The following CHD3 variants were observed in gnomAD, a reference collection of about 807,000 sequenced individuals.
CHD3 encodes the protein chromodomain helicase DNA binding protein 3.
In CHD3, 52 loss-of-function variants were observed where a neutral mutation model predicts 248.9. The ratio of observed to expected loss-of-function variants is 0.21; its 90% CI spans 0.17 to 0.26. The LOEUF (loss-of-function observed/expected upper bound fraction) is 0.26, where lower values mean the gene tolerates loss of function less well. Among genes scored for constraint, CHD3 ranks in the 10% least tolerant of loss-of-function variants. The probability of loss-of-function intolerance (pLI) is 1.00; values close to 1 mark genes in which losing one functional copy is unlikely to be tolerated. For missense variants in CHD3, 1,482 were observed against 2,605.8 expected (o/e 0.57, Z 9.39); for synonymous variants, 985 against 985.2 (o/e 1.00, Z 0.00).
chr17:7,895,554 T>G lies in CHD3; in HGVS notation c.1707+12T>G. ...CCAAGGAGCTTCAGGTACTAGGACC[T>G]TTTCTTTCCCTCTCCCCCATGACCT... On this transcript the variant is annotated intron_variant, in intron 10 of 39. Transcript: ENST00000330494. The surrounding 1 kb of genome is among the most constrained non-coding windows in gnomAD (Gnocchi z 4.9). 2 of 1,609,764 alleles carry G rather than the reference T, an allele frequency of 1.2e-6. No homozygotes were observed. Among genetic ancestry groups the G allele is most frequent in the Non-Finnish European group, 1.7e-6 (2 of 1,176,316 alleles).
chr17:7,888,541 T>C (rs2151443271), upstream of CHD3, among the ~76,000 whole-genome samples: 1 of 152,120 alleles, frequency 6.6e-6, no homozygotes, highest in Non-Finnish European at 1.5e-5. Flanking sequence ...CTGTCTTCCT[T>C]TATGTGGGGT....
upstream of CHD3, among the ~76,000 whole-genome samples, chr17:7,885,749 A>C (rs1967820077): frequency 6.6e-6 from 1 of 152,146 alleles, no homozygotes; most frequent in Non-Finnish European, 1.5e-5. Context: ...GTGCCCGCCA[A>C]CTGAGGGGCA....
chr17:7,893,951 C>G lies in CHD3; in HGVS notation c.924+16C>G, dbSNP rs778894067. ...AGGAGGCTCGGTGAGTGACCCGTCC[C>G]TGTCTACTAAACACCTGGGGGCCAA... On this transcript the variant is annotated intron_variant, in intron 6 of 39. Coordinates refer to ENST00000330494, the MANE Select transcript of CHD3 (RefSeq NM_001005273.3). The G allele has an allele frequency of 6.2e-7, 1 of 1,613,644 alleles. No homozygotes were observed. Among genetic ancestry groups the G allele is most frequent in the East Asian group, 2.2e-5 (1 of 44,884 alleles).
Position 7,888,937 on chromosome 17 carries a change from G to A in CHD3, c.-64G>A, listed in dbSNP as rs1310233665. 2.5e-6 allele frequency: 4 copies of A among 1,610,612 alleles called. No homozygotes were observed. The highest frequency in any genetic ancestry group is 2.5e-6 in the Non-Finnish European group (3 of 1,178,002). ...GCAGGGAGATGGGAATAGAATTGAA[G>A]GTAGGTTTTAGGCTACTTGGGAGGA... On this transcript the variant is annotated 5_prime_UTR_variant, in exon 1 of 40. Coordinates refer to ENST00000330494, the MANE Select transcript of CHD3 (RefSeq NM_001005273.3).
Position 7,897,891 on chromosome 17 carries a change from G to A in CHD3, c.1920-80G>A. 1 of 1,466,614 alleles carries A rather than the reference G, an allele frequency of 6.8e-7. No homozygotes were observed. The highest frequency in any genetic ancestry group is 1.4e-5 in the South Asian group (1 of 73,894). The allele number at this position is 1,466,614 out of a possible 1,614,324, so 90.9% of individuals were successfully genotyped here. On this transcript the variant is annotated intron_variant, in intron 11 of 39. Transcript: ENST00000330494. This position sits in a 1 kb window ranked among gnomAD's most constrained non-coding sequence, Gnocchi z 4.8. ...AAATTTTGTGTGTTTGCTGATAATT[G>A]CGTTTCTCAGGCCTTCTTTCTGTTT... is the stretch of plus-strand genomic sequence containing the variant.
rs1969582402 is a variant in CHD3 at position 7,895,967 on chromosome 17, T to G, written c.1707+425T>G. On this transcript the variant is annotated intron_variant, in intron 10 of 39. Coordinates refer to ENST00000330494, the MANE Select transcript of CHD3 (RefSeq NM_001005273.3). This position sits in a 1 kb window ranked among gnomAD's most constrained non-coding sequence, Gnocchi z 4.9. ...TCGGCTGGGTGTGGTGGCTCACGCCTGTAATCCCAGTACTTTGGGAGGCCG... is the reference window on the plus strand; with the variant it reads ...TCGGCTGGGTGTGGTGGCTCACGCCGGTAATCCCAGTACTTTGGGAGGCCG... Among the ~76,000 whole-genome samples, 1 of 152,080 alleles carries G rather than the reference T, an allele frequency of 6.6e-6. No homozygotes were observed. Among genetic ancestry groups the G allele is most frequent in the African/African-American group, 2.4e-5 (1 of 41,410 alleles).
chr17:7,888,766 G>T, upstream of CHD3: 1 of 1,371,582 alleles, frequency 7.3e-7, no homozygotes, highest in South Asian at 1.7e-5. Context: ...GAAGGCATAT[G>T]CTGGGTGTGT....
rs1268808786 is a variant in CHD3, at chr17:7,905,668, C to T, written c.4186C>T (p.Leu1396=). The T allele has an allele frequency of 6.2e-7, 1 of 1,610,582 alleles. No individual in the cohort carries two copies. The highest frequency in any genetic ancestry group is 1.7e-5 in the Admixed American group (1 of 59,552). Residue 1396 remains leucine, a synonymous_variant, in exon 27 of 40, where the codon CTG becomes TTG. Coordinates refer to ENST00000330494, the MANE Select transcript of CHD3 (RefSeq NM_001005273.3). The surrounding 1 kb of genome is among the most constrained non-coding windows in gnomAD (Gnocchi z 5.8). ...GCTCCGGAATGAGAAAGATAAGCCA[C>T]TGCCTCCACTGCTGGCCCGAGTCGG... ...RQLRNEKDKP[L]PPLLARVGGN...
At position 7,909,640 on chromosome 17, in the gene CHD3, C is replaced by G; in HGVS notation, c.5590+302C>G. Reference sequence around the variant, plus strand: ...CTTCACTGGCAGTGGAACTGCATGCCTGCCATACTGCTTAACATCATCCAG... The same window carrying G: ...CTTCACTGGCAGTGGAACTGCATGCGTGCCATACTGCTTAACATCATCCAG... On this transcript the variant is annotated intron_variant, in intron 37 of 39. Coordinates refer to ENST00000330494, the MANE Select transcript of CHD3 (RefSeq NM_001005273.3). This position sits in a 1 kb window ranked among gnomAD's most constrained non-coding sequence, Gnocchi z 8.1. 2 of 460,698 alleles carry G rather than the reference C, an allele frequency of 4.3e-6. No homozygotes were observed. The highest frequency in any genetic ancestry group is 7.7e-6 in the Non-Finnish European group (2 of 258,174). The allele number at this position is 460,698 out of a possible 1,614,324, so 28.5% of individuals were successfully genotyped here. A position where few individuals can be genotyped will look rare whatever the true frequency, so the allele number is the denominator to read the frequency against.
intron 10 of CHD3, among the ~76,000 whole-genome samples, chr17:7,896,856 G>A (rs1304966198): frequency 1.3e-5 from 2 of 151,314 alleles, no homozygotes; most frequent in South Asian, 2.1e-4. Context: ...ACGGGGTTTC[G>A]CCATGTTGGC....
In CHD3 at chr17:7,908,600, T is replaced by A; in HGVS notation, c.5261+90T>A. 6.3e-7 allele frequency: 1 copy of A among 1,587,330 alleles called. No homozygotes were observed. The highest frequency in any genetic ancestry group is 8.6e-7 in the Non-Finnish European group (1 of 1,158,064). ...ATTTCACACCCAGGGACAGGGCTAG[T>A]GCCACACTTTGGGGAGTCAAGCCAA... is the stretch of plus-strand genomic sequence containing the variant. On this transcript the variant is annotated intron_variant, in intron 35 of 39. Transcript: ENST00000330494. This position sits in a 1 kb window ranked among gnomAD's most constrained non-coding sequence, Gnocchi z 5.8.
Position 7,903,865 on chromosome 17 carries a change from C to T in CHD3, c.3768C>T (p.Asp1256=), listed in dbSNP as rs766856387. The change falls in exon 24 of 40, where the codon GAC becomes GAT. Residue 1256 remains aspartate, a synonymous_variant. Transcript: ENST00000330494. This position sits in a 1 kb window ranked among gnomAD's most constrained non-coding sequence, Gnocchi z 6.8. ...KEEDSSVIHY[D]NEAIARLLDR... The stretch of plus-strand genomic sequence containing the variant: ...AGGACAGCAGTGTGATTCATTATGA[C>T]AATGAGGCCATCGCTCGGCTGTTGG... 4 of 1,614,144 alleles carry T rather than the reference C, an allele frequency of 2.5e-6. No homozygotes were observed. Among genetic ancestry groups the T allele is most frequent in the Non-Finnish European group, 2.5e-6 (3 of 1,180,020 alleles).
Position 7,905,042 on chromosome 17 carries a change from C to T in CHD3, c.4073-58C>T. 6.7e-7 allele frequency: 1 copy of T among 1,494,944 alleles called. No homozygotes were observed. The highest frequency in any genetic ancestry group is 9.3e-7 in the Non-Finnish European group (1 of 1,072,008). 92.6% of individuals were successfully genotyped at this position (1,494,944 alleles called of 1,614,324 possible). On this transcript the variant is annotated intron_variant, in intron 25 of 39. Transcript: ENST00000330494. The surrounding 1 kb of genome is among the most constrained non-coding windows in gnomAD (Gnocchi z 5.8). ...GGAGGAATCCAGCCAGAAAGGGCCTCAGCATGGGCATATCCCGAGAGCCCT... is the reference window on the plus strand; with the variant it reads ...GGAGGAATCCAGCCAGAAAGGGCCTTAGCATGGGCATATCCCGAGAGCCCT...
Position 7,907,825 on chromosome 17 carries a change from A to G in CHD3, c.5027-69A>G, listed in dbSNP as rs1971181230. 8 of 1,566,626 alleles carry G rather than the reference A, an allele frequency of 5.1e-6. No homozygotes were observed. The highest frequency in any genetic ancestry group is 6.9e-6 in the Non-Finnish European group (8 of 1,153,428). On this transcript the variant is annotated intron_variant, in intron 33 of 39. Transcript: ENST00000330494. The surrounding 1 kb of genome is among the most constrained non-coding windows in gnomAD (Gnocchi z 4.3). The stretch of plus-strand genomic sequence containing the variant: ...TTGAAAGGCCAGTACAGTACAGTAC[A>G]GATAGTAGTCTTGGGACCTGGGAGG...
rs753736659 is a variant in CHD3 at position 7,902,615 on chromosome 17, C to T, written c.3258C>T (p.Thr1086=). Residue 1086 remains threonine (T), a synonymous_variant, in exon 21 of 40, where the codon ACC becomes ACT. Coordinates refer to ENST00000330494, the MANE Select transcript of CHD3 (RefSeq NM_001005273.3). ...GHRVLIFSQM[T]KMLDLLEDFL... The stretch of plus-strand genomic sequence containing the variant: ...ATCCTTTTCTCTTGCTCTAGATGAC[C>T]AAAATGTTAGACTTGCTTGAGGACT... The T allele has an allele frequency of 1.9e-6, 3 of 1,611,540 alleles. No individual in the cohort carries two copies. In the South Asian group the frequency reaches 3.3e-5, roughly 18 times the overall value.
chr17:7,894,708 T>C, intron 8 of CHD3, 100 bp downstream of exon 8: 1 of 1,372,722 alleles, frequency 7.3e-7, no homozygotes, highest in African/African-American at 1.4e-5. Context: ...ATGGCTGGAC[T>C]TCTTAGTAAC....
At chr17:7,887,447 A>G (rs1168456736), upstream of CHD3, among the ~76,000 whole-genome samples, 2 of 139,264 alleles carry the variant, frequency 1.4e-5, no homozygotes, top group Non-Finnish European at 3.1e-5. Flanking sequence ...AACATAATAT[A>G]TAGATGTGAT....
Position 7,911,599 on chromosome 17 carries a change from C to A in CHD3, c.*14C>A, listed in dbSNP as rs761249359. On this transcript the variant is annotated 3_prime_UTR_variant, in exon 40 of 40. Coordinates refer to ENST00000330494, the MANE Select transcript of CHD3 (RefSeq NM_001005273.3). The surrounding 1 kb of genome is among the most constrained non-coding windows in gnomAD (Gnocchi z 5.4). ...ATAGACGACTGACTGGATCCCAGGC[C>A]TGCCCTTCACCCAGGCCCCGTCCCC... The A allele has an allele frequency of 6.2e-7, 1 of 1,613,888 alleles. No individual in the cohort carries two copies. The highest frequency in any genetic ancestry group is 1.3e-5 in the African/African-American group (1 of 75,038).
Position 7,903,883 on chromosome 17 carries a change from G to C in CHD3, c.3786G>C (p.Arg1262=), listed in dbSNP as rs748814939. ...VIHYDNEAIA[R]LLDRNQDATE... ...ATTATGACAATGAGGCCATCGCTCGGCTGTTGGACCGGAACCAGGATGCAA... is the reference window on the plus strand; with the variant it reads ...ATTATGACAATGAGGCCATCGCTCGCCTGTTGGACCGGAACCAGGATGCAA... Residue 1262 remains arginine, a synonymous_variant, in exon 24 of 40, where the codon CGG becomes CGC. Transcript: ENST00000330494. The surrounding 1 kb of genome is among the most constrained non-coding windows in gnomAD (Gnocchi z 6.8). 1 of 1,614,156 alleles carries C rather than the reference G, an allele frequency of 6.2e-7. No homozygotes were observed. The highest frequency in any genetic ancestry group is 8.5e-7 in the Non-Finnish European group (1 of 1,180,016).
Sources: gnomAD v4.1 joint callset for allele counts (sites outside exome capture counted in the v4.1 genomes callset) on GRCh38, gnomAD v4.1.1 for gene constraint, Gnocchi (gnomAD v3.1) non-coding constraint, MANE v1.5 for transcripts, NCBI Gene and HGNC (gene_info 2026-07-23, HGNC 2026-07-21) for gene names.